Variants in SYNJ2 observed in about 807,000 individuals in gnomAD.
The protein encoded by SYNJ2 is polyphosphatidylinositol phosphatase SYNJ2.
In SYNJ2, 116 loss-of-function variants were observed where a neutral mutation model predicts 141.3. The observed-to-expected ratio is 0.82, with a 90% CI of 0.71 to 0.96. The LOEUF (loss-of-function observed/expected upper bound fraction) is 0.96. Ranked by LOEUF, SYNJ2 falls within the 40% of genes least tolerant of loss-of-function variation. The pLI is 0.00. For synonymous variants in SYNJ2, 745 were observed against 777.7 expected, an observed-to-expected ratio of 0.96 and a Z score of 0.70; for missense variants, 1,873 against 1,934.8, an observed-to-expected ratio of 0.97 and a Z score of 0.60.
chr6:158,093,011 A>G lies in SYNJ2; in HGVS notation c.3651A>G (p.Lys1217=). The change falls in exon 26 of 27, where the codon AAA becomes AAG. Residue 1217 remains lysine, a synonymous_variant. Coordinates refer to ENST00000355585, the MANE Select transcript of SYNJ2 (RefSeq NM_003898.4). ...SEPEPTPGAA[K]PETPQAPPLL... ...CAGAGCCCACACCGGGGGCAGCCAA[A>G]CCAGAGACCCCACAGGCGCCCCCAC... is the stretch of plus-strand genomic sequence containing the variant. 1.9e-6 allele frequency: 3 copies of G among 1,613,246 alleles called. No individual in the cohort carries two copies. Among genetic ancestry groups the G allele is most frequent in the Non-Finnish European group, 2.5e-6 (3 of 1,179,770 alleles).
intron 12 of SYNJ2, 57 bp from the exon 13 acceptor site, chr6:158,068,590 C>T: frequency 6.2e-7 from 1 of 1,601,296 alleles, no homozygotes; most frequent in Non-Finnish European, 8.6e-7. Context: ...GCCCCATGAA[C>T]TCGTAATGCG....
chr6:158,026,371 G>T (rs541627950), intron 2 of SYNJ2, among the ~76,000 whole-genome samples: 1 of 152,204 alleles, frequency 6.6e-6, no homozygotes, highest in East Asian at 1.9e-4. Flanking sequence ...CTCTCTGTGC[G>T]TCTGTTTCCC....
Position 158,043,902 on chromosome 6 carries a change from G to A in SYNJ2, c.795+503G>A, listed in dbSNP as rs74937192. Among the ~76,000 whole-genome samples the A allele has an allele frequency of 3.9e-4, 59 of 152,344 alleles. No homozygotes were observed. The East Asian group carries it at 0.011, about 29-fold the overall frequency. ...AAATACCCCTTGCCGTCCAAAGCAG[G>A]GCTCTGGTCAGTGCCAGAGAGATTT... On this transcript the variant is annotated intron_variant, in intron 5 of 26. Coordinates refer to ENST00000355585, the MANE Select transcript of SYNJ2 (RefSeq NM_003898.4). The surrounding 1 kb of genome is among the most constrained non-coding windows in gnomAD (Gnocchi z 4.0).
chr6:158,005,079 A>ATT (rs11334192), intron 1 of SYNJ2, among the ~76,000 whole-genome samples: 9 of 123,906 alleles, frequency 7.3e-5, no homozygotes, highest in African/African-American at 1.9e-4. Flanking sequence ...CCCAGTGACT[A>ATT]TTTTTTTTTT....
Position 158,071,790 on chromosome 6 carries a change from C to A in SYNJ2, c.2129C>A (p.Pro710Gln). The A allele has an allele frequency of 6.2e-7, 1 of 1,613,026 alleles. No individual in the cohort carries two copies. Reference protein sequence around the residue: ...YKEITQKLCFPMGRNVFSHDY... With the variant: ...YKEITQKLCFQMGRNVFSHDY... ...GAGATCACCCAGAAACTCTGCTTCC[C>A]AATGGTGAGCGGCGCCGTGGGGACA... The change falls in exon 15 of 27, where the codon CCA (proline) becomes CAA (glutamine). Residue 710 changes from proline to glutamine, a missense_variant. Physicochemically the swap from Pro to Gln is moderately conservative, Grantham distance 76 (BLOSUM62 -1). Coordinates refer to ENST00000355585, the MANE Select transcript of SYNJ2 (RefSeq NM_003898.4). The surrounding 1 kb of genome is among the most constrained non-coding windows in gnomAD (Gnocchi z 4.3).
rs759638647 is a variant in SYNJ2, at chr6:158,081,308, G to A, written c.2767G>A (p.Gly923Arg). 2.5e-6 allele frequency: 4 copies of A among 1,614,180 alleles called. No individual in the cohort carries two copies. The highest frequency in any genetic ancestry group is 2.5e-6 in the Non-Finnish European group (3 of 1,180,036). ...GCTCATGCAGACCTTGGGGAGTTAT[G>A]GGACAATTGTTCTTGTCAGGTAACT... ...TELMQTLGSY[G>R]TIVLVRINQG... Residue 923 changes from glycine to arginine, a missense_variant, in exon 19 of 27, where the codon GGG (glycine) becomes AGG (arginine). Gly to Arg is a moderately radical substitution (Grantham distance 125). Coordinates refer to ENST00000355585, the MANE Select transcript of SYNJ2 (RefSeq NM_003898.4).
intron 5 of SYNJ2, among the ~76,000 whole-genome samples, chr6:158,053,393 T>G (rs778307221): frequency 6.6e-6 from 1 of 152,240 alleles, no homozygotes; most frequent in Non-Finnish European, 1.5e-5. Context: ...AGATAATTTT[T>G]GCTGAACAAT....
In SYNJ2 at chr6:158,084,278, C is replaced by G; in HGVS notation, c.3208+104C>G. 1 of 1,334,018 alleles carries G rather than the reference C, an allele frequency of 7.5e-7. No homozygotes were observed. The allele number at this position is 1,334,018 out of a possible 1,614,324, so 82.6% of individuals were successfully genotyped here. On this transcript the variant is annotated intron_variant, in intron 22 of 26. Coordinates refer to ENST00000355585, the MANE Select transcript of SYNJ2 (RefSeq NM_003898.4). The surrounding 1 kb of genome is among the most constrained non-coding windows in gnomAD (Gnocchi z 5.0). ...TGGGCACTGTGTGATATCAAGTATG[C>G]AGGTCCCAGGAGAGACCTCAACCAG...
chr6:158,068,792 G>C, intron 13 of SYNJ2, 64 bp downstream of exon 13: 2 of 1,575,774 alleles, frequency 1.3e-6, no homozygotes, highest in Non-Finnish European at 1.7e-6. Flanking sequence ...GCTGGGAGCA[G>C]AGCCTCTGAG....
At position 158,011,217 on chromosome 6, in the gene SYNJ2, C is replaced by T. The variant is rs115580414; in HGVS notation, c.128-5987C>T. On this transcript the variant is annotated intron_variant, in intron 1 of 26. Transcript: ENST00000355585. ...AGTGAGGAAGTCATAAGCCAAGGAACGCCAAGGACAGAACAAGCAGCAAAC... is the reference window on the plus strand; with the variant it reads ...AGTGAGGAAGTCATAAGCCAAGGAATGCCAAGGACAGAACAAGCAGCAAAC... Among the ~76,000 whole-genome samples the T allele has an allele frequency of 2.6e-3, 397 of 152,186 alleles. 2 individuals are homozygous for T. The highest frequency in any genetic ancestry group is 8.9e-3 in the African/African-American group (369 of 41,514).
intron 1 of SYNJ2, among the ~76,000 whole-genome samples, chr6:158,011,982 T>G (rs752518847): frequency 6.6e-6 from 1 of 152,194 alleles, no homozygotes; most frequent in Non-Finnish European, 1.5e-5. Context: ...AACTGCTGAT[T>G]TACCTCTCTG....
At position 158,070,601 on chromosome 6, in the gene SYNJ2, C is replaced by A; in HGVS notation, c.1940+928C>A. 1.9e-5 allele frequency: 14 copies of A among 743,468 alleles called. No individual in the cohort carries two copies. Among genetic ancestry groups the A allele is most frequent in the Non-Finnish European group, 2.1e-5 (13 of 609,496 alleles). 46.1% of individuals were successfully genotyped at this position (743,468 alleles called of 1,614,324 possible). The stretch of plus-strand genomic sequence containing the variant: ...TGAGGAGAGCCAGGTTTCCCAGGCT[C>A]GGTGTCCTCGGCTTCACGTGCCTTT... On this transcript the variant is annotated intron_variant, in intron 14 of 26. Transcript: ENST00000355585. The surrounding 1 kb of genome is among the most constrained non-coding windows in gnomAD (Gnocchi z 4.0).
intron 22 of SYNJ2, among the ~76,000 whole-genome samples, chr6:158,086,024 C>T (rs1281329534): frequency 6.6e-6 from 1 of 152,074 alleles, no homozygotes; most frequent in Non-Finnish European, 1.5e-5. Flanking sequence ...AAACTAATAG[C>T]GCAACACGGG....
At position 158,083,403 on chromosome 6, in the gene SYNJ2, C is replaced by A. The variant is rs367560520; in HGVS notation, c.2866-26C>A. ...GGAGGGGTCATGATTTTTATTTATT[C>A]CTGGGTGGCCGCTCTGCCCTCCCAG... On this transcript the variant is annotated intron_variant, in intron 20 of 26. Transcript: ENST00000355585. 1.8e-5 allele frequency: 29 copies of A among 1,606,876 alleles called. No homozygotes were observed. In the African/African-American group the frequency reaches 3.2e-4, roughly 18 times the overall value.
At chr6:158,063,170 G>A (rs2128364347) in intron 8 of SYNJ2, among the ~76,000 whole-genome samples, 1 of 152,296 alleles carries the variant, frequency 6.6e-6, no homozygotes, top group Non-Finnish European at 1.5e-5. Flanking sequence ...CGATGGTTCT[G>A]TGTTCATGTC....
chr6:158,061,444 T>G (rs1292900774), intron 7 of SYNJ2, among the ~76,000 whole-genome samples: 1 of 152,220 alleles, frequency 6.6e-6, no homozygotes, highest in Non-Finnish European at 1.5e-5. Flanking sequence ...ACCTTCACTC[T>G]GGCTCCCTGA....
At chr6:158,088,154 C>G (rs888974779) in intron 23 of SYNJ2, among the ~76,000 whole-genome samples, 1 of 146,548 alleles carries the variant, frequency 6.8e-6, no homozygotes, top group African/African-American at 2.5e-5. Flanking sequence ...TTGACCTCCC[C>G]GGCTCAAGCA....
In SYNJ2 at chr6:158,095,846, G is replaced by T. The variant is rs1235874757; in HGVS notation, c.3973G>T (p.Ala1325Ser). Residue 1325 changes from alanine to serine, a missense_variant, in exon 27 of 27, where the codon GCG (alanine) becomes TCG (serine). Ala to Ser is a moderately conservative substitution (Grantham distance 99). Transcript: ENST00000355585. ...AGCCTCTGTGCCACCACCTCTGGAG[G>T]CGCCGCCTCTTGTGCCCAAGGTACC... ...AGASVPPPLE[A>S]PPLVPKVPPR... 1 of 1,614,128 alleles carries T rather than the reference G, an allele frequency of 6.2e-7. No homozygotes were observed. Among genetic ancestry groups the T allele is most frequent in the Non-Finnish European group, 8.5e-7 (1 of 1,179,998 alleles).
intron 22 of SYNJ2, among the ~76,000 whole-genome samples, chr6:158,086,064 C>T (rs1226398387): frequency 6.6e-6 from 1 of 151,956 alleles, no homozygotes; most frequent in Non-Finnish European, 1.5e-5. Context: ...ACCTGGTGGG[C>T]ATTGAGAGGG....
Sources: gnomAD v4.1 joint callset for allele counts (sites outside exome capture counted in the v4.1 genomes callset) on GRCh38, gnomAD v4.1.1 for gene constraint, Gnocchi (gnomAD v3.1) non-coding constraint, MANE v1.5 for transcripts, NCBI Gene and HGNC (gene_info 2026-07-23, HGNC 2026-07-21) for gene names.